The following PHIP variants were observed in gnomAD, a reference collection of about 807,000 sequenced individuals.
PHIP encodes the protein PHIP subunit of CUL4-Ring ligase complex.
Under a neutral mutation model 236.8 loss-of-function variants are expected in PHIP, and 54 were observed. The observed-to-expected ratio is 0.23, with a 90% CI of 0.18 to 0.29. The LOEUF is 0.29. PHIP is among the 10% of genes least tolerant of loss of function. The probability of loss-of-function intolerance (pLI) is 1.00; values close to 1 mark genes in which losing one functional copy is unlikely to be tolerated. For synonymous variants in PHIP, 756 were observed against 718.9 expected, an observed-to-expected ratio of 1.05 and a Z score of -0.83; for missense variants, 1,370 against 2,190.8, an observed-to-expected ratio of 0.63 and a Z score of 7.48.
chr6:79,071,491 GTCTT>G (rs1449167771), intron 4 of PHIP, among the ~76,000 whole-genome samples: 1 of 152,106 alleles, frequency 6.6e-6, no homozygotes, highest in Non-Finnish European at 1.5e-5. Context: ...CATTTAAAAT[GTCTT>G]TCTAAAATTT....
chr6:78,941,388 A>C (rs1026305724), intron 39 of PHIP, 58 bp from the exon 40 acceptor site: 5 of 1,302,352 alleles, frequency 3.8e-6, no homozygotes, highest in Admixed American at 2.2e-5. Context: ...TTTGACTCTC[A>C]AACTTGTCAG....
intron 7 of PHIP, among the ~76,000 whole-genome samples, chr6:79,036,360 T>C (rs1451430013): frequency 6.6e-6 from 1 of 152,200 alleles, no homozygotes; most frequent in East Asian, 1.9e-4. Flanking sequence ...AGTTTCTTCC[T>C]CTCAATCCAG....
chr6:78,968,570 T>G (rs1173637856), intron 27 of PHIP, among the ~76,000 whole-genome samples: 1 of 152,242 alleles, frequency 6.6e-6, no homozygotes, highest in African/African-American at 2.4e-5. Flanking sequence ...TAATTCCCTG[T>G]GGATACTAAG....
At chr6:79,037,571 T>A (rs546821100) in intron 7 of PHIP, among the ~76,000 whole-genome samples, 1 of 152,182 alleles carries the variant, frequency 6.6e-6, no homozygotes, top group East Asian at 1.9e-4. Context: ...AATTAAAAAA[T>A]AATAATAATA....
Position 78,997,557 on chromosome 6 carries a change from G to A in PHIP, c.2058C>T (p.Asn686=), listed in dbSNP as rs374059830. The A allele has an allele frequency of 2.1e-5, 34 of 1,613,674 alleles. No homozygotes were observed. In the East Asian group the frequency reaches 3.8e-4, roughly 18 times the overall value. Residue 686 remains asparagine, a synonymous_variant, in exon 19 of 40, where the codon AAC becomes AAT. Coordinates refer to ENST00000275034, the MANE Select transcript of PHIP (RefSeq NM_017934.7). The stretch of plus-strand genomic sequence containing the variant: ...TTTGTCCACTACGTCTTAGTCCTAC[G>A]TTTGGTGGTGAATGAACCTCTGAGG... ...SSTSEVHSPP[N]VGLRRSGQIE...
At chr6:79,018,984 T>C in intron 10 of PHIP, 105 bp downstream of exon 10, 3 of 735,752 alleles carry the variant, frequency 4.1e-6, no homozygotes, top group Admixed American at 2.2e-5. Context: ...TATAAGAACA[T>C]GATTGATAAT....
At chr6:79,030,955 T>C (rs1444843283) in intron 7 of PHIP, among the ~76,000 whole-genome samples, 1 of 152,166 alleles carries the variant, frequency 6.6e-6, no homozygotes, top group Non-Finnish European at 1.5e-5. Flanking sequence ...GTTTGTTTGT[T>C]TGTTTTGAGA....
At chr6:78,995,570 G>A (rs1769554939) in intron 19 of PHIP, among the ~76,000 whole-genome samples, 1 of 152,184 alleles carries the variant, frequency 6.6e-6, no homozygotes, top group East Asian at 1.9e-4. Flanking sequence ...ATTCTGAGAA[G>A]AATGCAGTGA....
chr6:78,960,112 A>G (rs1244567429), intron 31 of PHIP, among the ~76,000 whole-genome samples: 5 of 152,186 alleles, frequency 3.3e-5, no homozygotes, highest in African/African-American at 9.7e-5. Context: ...AAAAAGATGA[A>G]AATTCAAAAT....
In PHIP at chr6:79,025,811, TTA is replaced by T. The variant is rs879130580; in HGVS notation, c.822+130_822+131del. 1.0e-4 allele frequency: 77 copies of T among 737,796 alleles called. 1 individual carries two copies. The South Asian group carries it at 1.2e-3, about 12-fold the overall frequency. The allele number at this position is 737,796 out of a possible 1,614,324, so 45.7% of individuals were successfully genotyped here. A position where few individuals can be genotyped will look rare whatever the true frequency, so the allele number is the denominator to read the frequency against. Reference sequence around the variant, plus strand: ...ACTCCTGTCTTCATTTTAGTTGGCCTTATATACTGGATTATAAAGGTGATTAT... The same window carrying T: ...ACTCCTGTCTTCATTTTAGTTGGCCTTATACTGGATTATAAAGGTGATTAT... On this transcript the variant is annotated intron_variant, in intron 8 of 39. Coordinates refer to ENST00000275034, the MANE Select transcript of PHIP (RefSeq NM_017934.7).
chr6:79,059,591 T>TTATATACA (rs1554212511), intron 6 of PHIP, among the ~76,000 whole-genome samples: 2 of 84,764 alleles, frequency 2.4e-5, no homozygotes, highest in Non-Finnish European at 2.3e-5. Flanking sequence ...GAAAGCAAAA[T>TTATATACA]TATATATATA....
chr6:78,991,039 C>A, intron 19 of PHIP, 54 bp from the exon 20 acceptor site: 2 of 1,052,504 alleles, frequency 1.9e-6, no homozygotes, highest in South Asian at 1.4e-5. Flanking sequence ...TAACTTTCCT[C>A]CAAAAGGAAT....
chr6:79,060,537 G>A lies in PHIP; in HGVS notation c.380C>T (p.Ala127Val). The change falls in exon 6 of 40, where the codon GCG becomes GTG. Residue 127 changes from alanine to valine, a missense_variant. Ala to Val is a moderately conservative substitution (Grantham distance 64, BLOSUM62 0). This residue lies in a region of PHIP where 82 missense variants were observed against 203.2 expected (regional missense o/e 0.40). Transcript: ENST00000275034. ...CTCAGGTGGTCTTCCACAGTGCAACGCAGCCAGAGCAGATCCTTTCCACAC... is the reference window on the plus strand; with the variant it reads ...CTCAGGTGGTCTTCCACAGTGCAACACAGCCAGAGCAGATCCTTTCCACAC... ...HVVWKGSALA[A>V]LHCGRPPESP... 1.2e-6 allele frequency: 2 copies of A among 1,613,760 alleles called. No homozygotes were observed. The highest frequency in any genetic ancestry group is 1.7e-6 in the Non-Finnish European group (2 of 1,179,800).
intron 6 of PHIP, among the ~76,000 whole-genome samples, chr6:79,059,591 T>TTATTTATATATATATA (rs1235977083): frequency 1.1e-4 from 9 of 84,730 alleles, no homozygotes; most frequent in African/African-American, 4.3e-4. Flanking sequence ...GAAAGCAAAA[T>TTATTTATATATATATA]TATATATATA....
chr6:78,958,437 T>C, intron 32 of PHIP, 38 bp downstream of exon 32: 1 of 1,239,564 alleles, frequency 8.1e-7, no homozygotes, highest in Non-Finnish European at 1.2e-6. Context: ...CCATTAATTA[T>C]TAAAACTATC....
chr6:78,969,568 T>A (rs1191241174), intron 27 of PHIP, among the ~76,000 whole-genome samples: 1 of 152,170 alleles, frequency 6.6e-6, no homozygotes, highest in Non-Finnish European at 1.5e-5. Context: ...AATATTTTTA[T>A]ACAAAAATTT....
chr6:78,995,219 G>A (rs548214159), intron 19 of PHIP, among the ~76,000 whole-genome samples: 1 of 152,270 alleles, frequency 6.6e-6, no homozygotes, highest in Admixed American at 6.5e-5. Context: ...TTATTGCACA[G>A]TAGTAGTCCA....
intron 19 of PHIP, among the ~76,000 whole-genome samples, chr6:78,991,415 G>A (rs1390384469): frequency 1.3e-5 from 2 of 151,466 alleles, no homozygotes; most frequent in Admixed American, 6.6e-5. Context: ...GAGGTTACAC[G>A]GAAAGCCCTG....
chr6:79,000,659 C>T (rs1175415058), intron 17 of PHIP, among the ~76,000 whole-genome samples: 2 of 152,060 alleles, frequency 1.3e-5, no homozygotes, highest in Non-Finnish European at 2.9e-5. Flanking sequence ...CTCCGAGAGA[C>T]TGAAGACATT....
Sources: gnomAD v4.1 joint callset for allele counts (sites outside exome capture counted in the v4.1 genomes callset) on GRCh38, gnomAD v4.1.1 for gene constraint, gnomAD v4.1.1 regional missense constraint, MANE v1.5 for transcripts, NCBI Gene and HGNC (gene_info 2026-07-23, HGNC 2026-07-21) for gene names.